WRN: variants seen among roughly 807,000 people sequenced by gnomAD.
The protein encoded by WRN is WRN RecQ like helicase, also known as bifunctional 3'-5' exonuclease/ATP-dependent helicase WRN.
A neutral mutation model predicts 180.7 loss-of-function variants in WRN; 149 were observed. The ratio of observed to expected loss-of-function variants is 0.82; its 90% CI spans 0.72 to 0.94. WRN has a LOEUF of 0.94. WRN is among the 40% of genes least tolerant of loss of function. The pLI is 0.00. For missense variants in WRN, 1,661 were observed against 1,700.1 expected (o/e 0.98, Z 0.40); for synonymous variants, 548 against 568.9 (o/e 0.96, Z 0.52).
chr8:31,088,050 AGCTTTTGTCTCCTTAGT>A (rs1342854849), intron 12 of WRN, 130 bp downstream of exon 12: 32 of 1,486,358 alleles, frequency 2.2e-5, no homozygotes, highest in African/African-American at 2.8e-5. Context: ...GATCCTTATA[AGCTTTTGTCTCCTTAGT>A]GCTTTTGTCT....
Position 31,116,378 on chromosome 8 carries a change from A to G in WRN, c.2298A>G (p.Pro766=), listed in dbSNP as rs1342842045. ...KTSSHWEFEG[P]TIIYCPSRKM... is the part of the protein sequence containing the mutation. ...GTTCCCACTGGGAATTTGAAGGTCC[A>G]ACAATCATCTACTGTCCTTCTAGAA... Residue 766 remains proline (P), a synonymous_variant, in exon 20 of 35, where the codon CCA becomes CCG. Transcript: ENST00000298139. The G allele has an allele frequency of 3.7e-6, 6 of 1,613,992 alleles. No individual in the cohort carries two copies. Among genetic ancestry groups the G allele is most frequent in the Admixed American group, 1.7e-5 (1 of 60,024 alleles).
intron 24 of WRN, among the ~76,000 whole-genome samples, chr8:31,139,983 CTA>C (rs1182904653): frequency 4.4e-5 from 5 of 113,666 alleles, no homozygotes; most frequent in South Asian, 3.1e-4. Context: ...CCATAAAGCT[CTA>C]TGTTTGTATA....
chr8:31,090,555 C>T, intron 14 of WRN, 23 bp downstream of exon 14: 3 of 1,602,738 alleles, frequency 1.9e-6, no homozygotes, highest in Non-Finnish European at 1.7e-6. Flanking sequence ...TAAGCAAAAC[C>T]TAATCCTTTA....
intron 16 of WRN, among the ~76,000 whole-genome samples, chr8:31,093,571 T>C (rs1160255691): frequency 6.6e-6 from 1 of 152,228 alleles, no homozygotes; most frequent in East Asian, 1.9e-4. Context: ...AAAATCTTTT[T>C]TGTGAACATG....
chr8:31,056,229 T>C (rs1462738046), intron 1 of WRN, among the ~76,000 whole-genome samples: 1 of 152,202 alleles, frequency 6.6e-6, no homozygotes, highest in Non-Finnish European at 1.5e-5. Flanking sequence ...TGTGGAAACC[T>C]CAGTTTTCTG....
At position 31,081,005 on chromosome 8, in the gene WRN, G is replaced by A; in HGVS notation, c.978G>A (p.Gly326=). 1 of 1,613,948 alleles carries A rather than the reference G, an allele frequency of 6.2e-7. No homozygotes were observed. The highest frequency in any genetic ancestry group is 1.1e-5 in the South Asian group (1 of 91,078). ...TATCCTTTGAAGATTCAACTACTGG[G>A]GGAGTACAACAGAAACAAATTAGAG... ...NLLSFEDSTT[G]GVQQKQIREH... The change falls in exon 9 of 35, where the codon GGG becomes GGA. Residue 326 remains glycine, a synonymous_variant. Coordinates refer to ENST00000298139, the MANE Select transcript of WRN (RefSeq NM_000553.6).
chr8:31,095,814 C>T (rs1813943171), intron 16 of WRN, among the ~76,000 whole-genome samples: 1 of 152,174 alleles, frequency 6.6e-6, no homozygotes, highest in African/African-American at 2.4e-5. Flanking sequence ...TAGCGCAAGG[C>T]CTCTTGCTTT....
chr8:31,165,444 A>G (rs1803816876), intron 33 of WRN, among the ~76,000 whole-genome samples: 2 of 152,230 alleles, frequency 1.3e-5, no homozygotes, highest in South Asian at 4.1e-4. Context: ...TAAATTTTCT[A>G]GTAGCCACAT....
chr8:31,037,985 T>C (rs1811512735), intron 1 of WRN, among the ~76,000 whole-genome samples: 1 of 152,240 alleles, frequency 6.6e-6, no homozygotes, highest in South Asian at 2.1e-4. Flanking sequence ...GCCATATTTA[T>C]TTATTCATAT....
chr8:31,155,249 T>G (rs1333596207), intron 32 of WRN, among the ~76,000 whole-genome samples: 2 of 152,170 alleles, frequency 1.3e-5, no homozygotes, highest in African/African-American at 4.8e-5. Flanking sequence ...GGAAATATGT[T>G]TTTAAAAACT....
intron 8 of WRN, among the ~76,000 whole-genome samples, chr8:31,077,160 T>G (rs1813125199): frequency 6.6e-6 from 1 of 152,228 alleles, no homozygotes. Flanking sequence ...GATATATAAA[T>G]TTAGCTTTTT....
chr8:31,125,695 C>T (rs1246335308), intron 23 of WRN, among the ~76,000 whole-genome samples: 1 of 149,848 alleles, frequency 6.7e-6, no homozygotes, highest in Non-Finnish European at 1.5e-5. Flanking sequence ...AGGCTGGAAA[C>T]TCAGGCAAGA....
chr8:31,050,761 T>A lies in WRN; in HGVS notation c.-76-7611T>A, dbSNP rs554855211. ...TGAATATTTGTAAAATTTGCATACG[T>A]GCCCAATGTGAGAAATTGAAATTAT... On this transcript the variant is annotated intron_variant, in intron 1 of 34. Transcript: ENST00000298139. Among the ~76,000 whole-genome samples the A allele has an allele frequency of 8.5e-5, 13 of 152,306 alleles. No homozygotes were observed. The South Asian group carries it at 2.7e-3, about 32-fold the overall frequency.
At chr8:31,125,771 G>A (rs1459493264) in intron 23 of WRN, among the ~76,000 whole-genome samples, 1 of 150,146 alleles carries the variant, frequency 6.7e-6, no homozygotes, top group Admixed American at 6.6e-5. Flanking sequence ...CTTTAGTCCT[G>A]CCACTGAGTG....
chr8:31,132,543 C>G (rs764754132), intron 24 of WRN, 37 bp downstream of exon 24: 140 of 1,613,286 alleles, frequency 8.7e-5, no homozygotes, highest in Non-Finnish European at 1.2e-4. Context: ...CATAGATCTT[C>G]TTTTACTTCT....
chr8:31,065,878 CTTT>C (rs1201740447), intron 5 of WRN, among the ~76,000 whole-genome samples: 7 of 130,642 alleles, frequency 5.4e-5, no homozygotes, highest in Admixed American at 7.7e-5. Flanking sequence ...AGTTTCTTTT[CTTT>C]TTTTTTTTTT....
At chr8:31,038,698 A>G (rs1444040367) in intron 1 of WRN, among the ~76,000 whole-genome samples, 2 of 151,682 alleles carry the variant, frequency 1.3e-5, no homozygotes, top group African/African-American at 4.8e-5. Context: ...TTTCTATTGG[A>G]GTTTTAAGTA....
At chr8:31,036,563 T>TA (rs1430457345) in intron 1 of WRN, among the ~76,000 whole-genome samples, 2 of 152,362 alleles carry the variant, frequency 1.3e-5, no homozygotes, top group Non-Finnish European at 2.9e-5. Context: ...TGTGAGGTGA[T>TA]ATCTCATTGT....
At chr8:31,129,520 T>C (rs1802061054) in intron 23 of WRN, among the ~76,000 whole-genome samples, 1 of 152,162 alleles carries the variant, frequency 6.6e-6, no homozygotes, top group African/African-American at 2.4e-5. Flanking sequence ...CATAATGCAC[T>C]TGAGTTAGAA....
Sources: allele counts gnomAD v4.1 joint callset (sites outside exome capture counted in the v4.1 genomes callset), GRCh38; gene constraint gnomAD v4.1.1; transcripts MANE v1.5; gene names NCBI Gene and HGNC (gene_info 2026-07-23, HGNC 2026-07-21).